MAST1: variants seen among roughly 807,000 people sequenced by gnomAD.
The protein encoded by MAST1 is microtubule associated serine/threonine kinase 1, also known as microtubule-associated serine/threonine-protein kinase 1.
In MAST1, 40 loss-of-function variants were observed where a neutral mutation model predicts 124.6. That is an observed-to-expected ratio of 0.32 (90% CI 0.25 to 0.42). MAST1 has a LOEUF of 0.42. Among genes scored for constraint, MAST1 ranks in the 10% least tolerant of loss-of-function variants. The pLI is 1.00. For missense variants in MAST1, 1,558 were observed against 2,181.9 expected (o/e 0.71, Z 5.70); for synonymous variants, 938 against 939.4 (o/e 1.00, Z 0.03).
At position 12,874,744 on chromosome 19, in the gene MAST1, C is replaced by G; in HGVS notation, c.4587C>G (p.Pro1529=). 2 of 1,602,574 alleles carry G rather than the reference C, an allele frequency of 1.2e-6. No individual in the cohort carries two copies. The highest frequency in any genetic ancestry group is 1.7e-6 in the Non-Finnish European group (2 of 1,171,414). Residue 1529 remains proline (P), a synonymous_variant, in exon 26 of 26, where the codon CCC becomes CCG. Coordinates refer to ENST00000251472, the MANE Select transcript of MAST1 (RefSeq NM_014975.3). This position sits in a 1 kb window ranked among gnomAD's most constrained non-coding sequence, Gnocchi z 6.6. ...GCAGTGCAGTGACCCCAGTCCCACC[C>G]GCATCCCTCTTGGGCTCAGGCACCA... The part of the protein sequence containing the change: ...APSSAVTPVP[P]ASLLGSGTKP...
intron 23 of MAST1, 34 bp downstream of exon 23, chr19:12,870,980 G>C: frequency 6.2e-7 from 1 of 1,613,632 alleles, no homozygotes; most frequent in Non-Finnish European, 8.5e-7. Context: ...CTGGGCGGAG[G>C]GTGGGGGAGG....
intron 24 of MAST1, 198 bp from the exon 25 acceptor site, chr19:12,873,126 G>A (rs796534032): frequency 1.7e-6 from 1 of 600,234 alleles, no homozygotes; most frequent in Non-Finnish European, 2.9e-6. Context: ...GTGGCCAAAG[G>A]GGGTGGGTGG....
intron 10 of MAST1, among the ~76,000 whole-genome samples, chr19:12,857,702 G>A (rs369305210): frequency 6.6e-6 from 1 of 152,120 alleles, no homozygotes; most frequent in Admixed American, 6.6e-5. Flanking sequence ...GTGAGCCACC[G>A]CTCCAGGCCC....
intron 24 of MAST1, among the ~76,000 whole-genome samples, chr19:12,872,550 T>C (rs936652762): frequency 2.0e-5 from 3 of 151,182 alleles, no homozygotes; most frequent in African/African-American, 7.3e-5. Context: ...TCTTGATAGG[T>C]GGGTTGTAGT....
chr19:12,860,514 G>A (rs534202415), intron 12 of MAST1, among the ~76,000 whole-genome samples: 3 of 137,386 alleles, frequency 2.2e-5, no homozygotes, highest in African/African-American at 5.5e-5. Context: ...GCGCTATCTC[G>A]GCTCACTGTA....
rs1272716454 is a variant in MAST1 at position 12,847,376 on chromosome 19, G to C, written c.414G>C (p.Gly138=). The change falls in exon 5 of 26, where the codon GGG becomes GGC. Residue 138 remains glycine, a synonymous_variant. Coordinates refer to ENST00000251472, the MANE Select transcript of MAST1 (RefSeq NM_014975.3). This position sits in a 1 kb window ranked among gnomAD's most constrained non-coding sequence, Gnocchi z 5.5. ...TCCACTTCCTCTCCAAACACTTCGG[G>C]AGCACCGAGAGCATCACAGACGAGG... is the stretch of plus-strand genomic sequence containing the variant. The part of the protein sequence containing the change: ...DELHFLSKHF[G]STESITDEDG... 5.6e-6 allele frequency: 9 copies of C among 1,613,728 alleles called. No homozygotes were observed. Among genetic ancestry groups the C allele is most frequent in the Non-Finnish European group, 7.6e-6 (9 of 1,180,014 alleles).
Position 12,874,496 on chromosome 19 carries a change from G to A in MAST1, c.4339G>A (p.Ala1447Thr), listed in dbSNP as rs1970288487. 2 of 1,554,204 alleles carry A rather than the reference G, an allele frequency of 1.3e-6. No individual in the cohort carries two copies. The highest frequency in any genetic ancestry group is 2.3e-5 in the East Asian group (1 of 43,996). ...AGAGCCTGCGCGGCCCGGGGCTAAG[G>A]CTGTGGTGCCTCAGCCTCTGGGCGC... Reference protein sequence around the residue: ...VVEPARPGAKAVVPQPLGADS... With the variant: ...VVEPARPGAKTVVPQPLGADS... Residue 1447 changes from alanine (A) to threonine (T), a missense_variant, in exon 26 of 26, where the codon GCT becomes ACT. Ala to Thr is a moderately conservative substitution (Grantham distance 58). This residue lies in a region of MAST1 where 263 missense variants were observed against 310.9 expected (regional missense o/e 0.85). Transcript: ENST00000251472. This position sits in a 1 kb window ranked among gnomAD's most constrained non-coding sequence, Gnocchi z 6.6.
chr19:12,840,604 C>A (rs1555741104), intron 2 of MAST1, 70 bp downstream of exon 2: 2 of 1,142,418 alleles, frequency 1.8e-6, no homozygotes, highest in Non-Finnish European at 1.3e-6. Context: ...GGCGAGGAAG[C>A]GTGGTCATGC....
rs1475681109 is a variant in MAST1 at position 12,852,241 on chromosome 19, T to C, written c.1003T>C (p.Phe335Leu). 3.7e-6 allele frequency: 6 copies of C among 1,613,910 alleles called. No individual in the cohort carries two copies. Among genetic ancestry groups the C allele is most frequent in the Non-Finnish European group, 5.1e-6 (6 of 1,179,996 alleles). The change falls in exon 9 of 26, where the codon TTT (phenylalanine) becomes CTT (leucine). Residue 335 changes from phenylalanine (F) to leucine (L), a missense_variant. This residue lies in a region of MAST1 where 136 missense variants were observed against 160.9 expected (regional missense o/e 0.85). Coordinates refer to ENST00000251472, the MANE Select transcript of MAST1 (RefSeq NM_014975.3). ...CCAGCTGGGCCTCACCCGTGACCCCTTTCCAGGTGCCGGCTGGTGGGCGCA... is the reference window on the plus strand; with the variant it reads ...CCAGCTGGGCCTCACCCGTGACCCCCTTCCAGGTGCCGGCTGGTGGGCGCA... ...IRQLGLTRDP[F>L]PDVVHLEEQD...
rs767676499 is a variant in MAST1, at chr19:12,874,885, G to C, written c.*15G>C. 2 of 1,586,902 alleles carry C rather than the reference G, an allele frequency of 1.3e-6. No individual in the cohort carries two copies. The highest frequency in any genetic ancestry group is 1.1e-5 in the South Asian group (1 of 88,568). The stretch of plus-strand genomic sequence containing the variant: ...CGGGACCATAGCCAAGGGGGTCATC[G>C]GCCCCGCGCTGTACAGCCTCCGTAT... On this transcript the variant is annotated 3_prime_UTR_variant, in exon 26 of 26. Coordinates refer to ENST00000251472, the MANE Select transcript of MAST1 (RefSeq NM_014975.3). The surrounding 1 kb of genome is among the most constrained non-coding windows in gnomAD (Gnocchi z 6.6).
chr19:12,848,476 A>C, intron 7 of MAST1: 1 of 170,120 alleles, frequency 5.9e-6, no homozygotes, highest in Non-Finnish European at 1.3e-5. Context: ...ACACACACAA[A>C]ATTAGCCGGG....
At chr19:12,853,262 C>T (rs1471261818) in intron 10 of MAST1, among the ~76,000 whole-genome samples, 9 of 151,776 alleles carry the variant, frequency 5.9e-5, no homozygotes, top group African/African-American at 1.7e-4. Flanking sequence ...TGAGCCACCG[C>T]GCCCGGCCTT....
At chr19:12,870,781 C>T in intron 22 of MAST1, 43 bp from the exon 23 acceptor site, 1 of 1,538,762 alleles carries the variant, frequency 6.5e-7, no homozygotes. Context: ...TTCCTTGTTA[C>T]CAATCCCACT....
At chr19:12,844,125 T>G (rs1202576310) in intron 4 of MAST1, among the ~76,000 whole-genome samples, 1 of 152,144 alleles carries the variant, frequency 6.6e-6, no homozygotes, top group Non-Finnish European at 1.5e-5. Context: ...CTCAACACAT[T>G]TCTGGGAGGG....
In MAST1 at chr19:12,843,551, C is replaced by G. The variant is rs1027549820; in HGVS notation, c.271C>G (p.Leu91Val). ...SRRADGRRWS[L>V]ASLPSSGYGT... ...CAGGGCGGACGGACGCCGGTGGTCT[C>G]TGGCCTCGCTCCCTTCATCTGGCTA... is the stretch of plus-strand genomic sequence containing the variant. Residue 91 changes from leucine (L) to valine (V), a missense_variant, in exon 4 of 26, where the codon CTG becomes GTG. Transcript: ENST00000251472. This position sits in a 1 kb window ranked among gnomAD's most constrained non-coding sequence, Gnocchi z 4.9. The G allele has an allele frequency of 3.1e-6, 5 of 1,613,716 alleles. No individual in the cohort carries two copies. Among genetic ancestry groups the G allele is most frequent in the Non-Finnish European group, 4.2e-6 (5 of 1,179,884 alleles).
chr19:12,871,180 C>T lies in MAST1; in HGVS notation c.3263+8C>T, dbSNP rs200425042. On this transcript the variant is annotated splice_region_variant and intron_variant, in intron 24 of 25. Coordinates refer to ENST00000251472, the MANE Select transcript of MAST1 (RefSeq NM_014975.3). ...CAAGGAGGGCCAGGAGAGGTGGGCA[C>T]AGCCGTAAACAGCCTGGTCTTTGAG... 125 of 1,613,902 alleles carry T rather than the reference C, an allele frequency of 7.7e-5. No homozygotes were observed. Among genetic ancestry groups the T allele is most frequent in the Non-Finnish European group, 9.8e-5 (116 of 1,179,936 alleles).
Position 12,852,258 on chromosome 19 carries a change from G to C in MAST1, c.1009+11G>C, listed in dbSNP as rs754007100. The C allele has an allele frequency of 6.2e-6, 10 of 1,613,936 alleles. No individual in the cohort carries two copies. Among genetic ancestry groups the C allele is most frequent in the Admixed American group, 5.0e-5 (3 of 60,006 alleles). On this transcript the variant is annotated intron_variant, in intron 9 of 25. Transcript: ENST00000251472. ...GTGACCCCTTTCCAGGTGCCGGCTG[G>C]TGGGCGCAGGGGGACTGGGGGTGAG...
intron 4 of MAST1, among the ~76,000 whole-genome samples, chr19:12,845,584 G>A (rs1399605430): frequency 1.3e-5 from 2 of 148,888 alleles, no homozygotes; most frequent in African/African-American, 2.5e-5. Context: ...ACCCTGTCTC[G>A]AAATAAAAAA....
Position 12,865,773 on chromosome 19 carries a change from A to G in MAST1, c.1861A>G (p.Ile621Val), listed in dbSNP as rs1431069955. 1.2e-6 allele frequency: 2 copies of G among 1,613,802 alleles called. No individual in the cohort carries two copies. The highest frequency in any genetic ancestry group is 1.3e-5 in the African/African-American group (1 of 74,926). ...EALPTEAQLLISSLLQTNPLV... is the reference protein window; with the variant it reads ...EALPTEAQLLVSSLLQTNPLV... ...CCTACCTACGGAGGCCCAACTCCTCATATCCAGCCTCCTGCAGACCAACCC... is the reference window on the plus strand; with the variant it reads ...CCTACCTACGGAGGCCCAACTCCTCGTATCCAGCCTCCTGCAGACCAACCC... The change falls in exon 16 of 26, where the codon ATA (isoleucine) becomes GTA (valine). Residue 621 changes from isoleucine (I) to valine (V), a missense_variant. By Grantham distance (29) the Ile-to-Val change is conservative. Coordinates refer to ENST00000251472, the MANE Select transcript of MAST1 (RefSeq NM_014975.3). The surrounding 1 kb of genome is among the most constrained non-coding windows in gnomAD (Gnocchi z 7.1).
Sources: allele counts gnomAD v4.1 joint callset (sites outside exome capture counted in the v4.1 genomes callset), GRCh38; gene constraint gnomAD v4.1.1; regional missense constraint gnomAD v4.1.1; non-coding constraint Gnocchi (gnomAD v3.1); transcripts MANE v1.5; gene names NCBI Gene and HGNC (gene_info 2026-07-23, HGNC 2026-07-21).